MILR1: variants seen among roughly 807,000 people sequenced by gnomAD.
MILR1 encodes mast cell immunoglobulin like receptor 1.
MILR1 carries 31 observed loss-of-function variants against 18.5 expected under a neutral mutation model. That is an observed-to-expected ratio of 1.68 (90% CI 1.26 to 2.26). The LOEUF is 2.26. MILR1 is among the 30% of genes most tolerant of loss of function. The pLI is 0.00. For missense variants in MILR1, 257 were observed against 157.4 expected (o/e 1.63, Z -3.38); for synonymous variants, 85 against 56.2 (o/e 1.51, Z -2.30).
At chr17:64,461,253 T>G (rs1238248332) in intron 5 of MILR1, among the ~76,000 whole-genome samples, 1 of 152,064 alleles carries the variant, frequency 6.6e-6, no homozygotes, top group African/African-American at 2.4e-5. Context: ...ATTTATTTAT[T>G]TATTTATTTT....
the MILR1 span, chr17:64,481,121 A>T: frequency 4.2e-6 from 1 of 239,832 alleles, no homozygotes; most frequent in African/African-American, 2.3e-5. Flanking sequence ...CCTCCAGGAG[A>T]GGCCTGCAGC....
At position 64,460,836 on chromosome 17, in the gene MILR1, C is replaced by T. The variant is rs1473840134; in HGVS notation, c.667C>T (p.Pro223Ser). ...TMPSTGGDSC[P>S]FCLKLLLPGL... is the part of the protein sequence containing the mutation. ...TCTTCTTCCAGGCGGAGACAGCTGTCCTTTCTGTCTGAAGCTACTACTTCC... is the reference window on the plus strand; with the variant it reads ...TCTTCTTCCAGGCGGAGACAGCTGTTCTTTCTGTCTGAAGCTACTACTTCC... The change falls in exon 5 of 10, where the codon CCT becomes TCT. Residue 223 changes from proline to serine, a missense_variant. Transcript: ENST00000619286. 6.3e-6 allele frequency: 3 copies of T among 475,040 alleles called. No homozygotes were observed. The highest frequency in any genetic ancestry group is 1.2e-5 in the Non-Finnish European group (3 of 258,884). 29.4% of individuals were successfully genotyped at this position (475,040 alleles called of 1,614,324 possible). A position where few individuals can be genotyped will look rare whatever the true frequency, so the allele number is the denominator to read the frequency against.
intron 3 of MILR1, among the ~76,000 whole-genome samples, 152 bp downstream of exon 3, chr17:64,453,018 AG>A (rs1254485506): frequency 6.6e-6 from 1 of 151,590 alleles, no homozygotes; most frequent in Non-Finnish European, 1.5e-5. Context: ...ATTTATTTTT[AG>A]ACCTGGTCAA....
chr17:64,454,286 A>C, intron 3 of MILR1, among the ~76,000 whole-genome samples: 1 of 152,260 alleles, frequency 6.6e-6, no homozygotes, highest in East Asian at 1.9e-4. Context: ...GGCTACTCAC[A>C]GGCAATCAAA....
At chr17:64,492,280 T>C in the MILR1 span, among the ~76,000 whole-genome samples, 7 of 152,216 alleles carry the variant, frequency 4.6e-5, no homozygotes, top group Non-Finnish European at 1.0e-4. Flanking sequence ...CTCTTTTTTT[T>C]TCAGTGAGTA....
the MILR1 span, chr17:64,496,549 G>T: frequency 4.3e-6 from 7 of 1,613,850 alleles, no homozygotes; most frequent in Non-Finnish European, 5.9e-6. Flanking sequence ...CACTGTCCCC[G>T]GGTAGCAAAG....
At chr17:64,491,014 A>G in the MILR1 span, 1 of 1,310,682 alleles carries the variant, frequency 7.6e-7, no homozygotes, top group Non-Finnish European at 1.1e-6. Context: ...TTAAATAAAC[A>G]CTAATTTAAC....
chr17:64,480,615 C>G, the MILR1 span, among the ~76,000 whole-genome samples: 3 of 152,094 alleles, frequency 2.0e-5, no homozygotes, highest in African/African-American at 7.2e-5. Flanking sequence ...TACTAAATGC[C>G]AATCTTCTGA....
chr17:64,490,609 T>C, the MILR1 span: 18 of 609,906 alleles, frequency 3.0e-5, no homozygotes, highest in Admixed American at 1.8e-4. Flanking sequence ...TCTGTGGCAA[T>C]AGTGGATTAC....
rs2037367253 is a variant in MILR1, at chr17:64,459,150, A to G, written c.652+1466A>G. On this transcript the variant is annotated intron_variant, in intron 4 of 9. Coordinates refer to ENST00000619286, the MANE Select transcript of MILR1 (RefSeq NM_001085423.2). ...AAGGTAGGAGGATAGAAGGAAAACT[A>G]GGTCGTGTGCAGTGGCTCACACCTG... Among the ~76,000 whole-genome samples, 4 of 152,256 alleles carry G rather than the reference A, an allele frequency of 2.6e-5. No individual in the cohort carries two copies. The South Asian group carries it at 8.3e-4, about 32-fold the overall frequency.
the MILR1 span, among the ~76,000 whole-genome samples, chr17:64,478,757 C>T: frequency 4.0e-5 from 6 of 151,842 alleles, no homozygotes; most frequent in Non-Finnish European, 4.4e-5. Flanking sequence ...ATTAGCTGGG[C>T]GTGGTGGCAG....
downstream of MILR1, among the ~76,000 whole-genome samples, chr17:64,469,026 G>A (rs2037645308): frequency 6.6e-6 from 1 of 151,942 alleles, no homozygotes; most frequent in African/African-American, 2.4e-5. Flanking sequence ...GGCAGAGGTT[G>A]CAGTGAGCCA....
chr17:64,467,272 A>AT lies in MILR1; in HGVS notation c.980-277dup, dbSNP rs35879907. Among the ~76,000 whole-genome samples the AT allele has an allele frequency of 2.8e-3, 402 of 141,662 alleles. 9 individuals carry two copies. Among genetic ancestry groups the AT allele is most frequent in the Admixed American group, 0.012 (164 of 14,184 alleles). The allele number at this position is 141,662 out of a possible 152,430, so 92.9% of individuals were successfully genotyped here. On this transcript the variant is annotated intron_variant, in intron 8 of 9. Coordinates refer to ENST00000619286, the MANE Select transcript of MILR1 (RefSeq NM_001085423.2). ...AGGTGTGCACCACCATGTCTGACTAATTTTTTTTTTTTTTTTGGATAGAGA... is the reference window on the plus strand; with the variant it reads ...AGGTGTGCACCACCATGTCTGACTAATTTTTTTTTTTTTTTTTGGATAGAGA...
chr17:64,491,840 C>A, the MILR1 span: 1 of 379,614 alleles, frequency 2.6e-6, no homozygotes, highest in Non-Finnish European at 4.9e-6. Context: ...GCAACCCCTC[C>A]ATAAGCAACA....
chr17:64,451,016 C>T (rs2037159562), intron 2 of MILR1, among the ~76,000 whole-genome samples: 1 of 152,168 alleles, frequency 6.6e-6, no homozygotes, highest in African/African-American at 2.4e-5. Flanking sequence ...GTTACAGACC[C>T]TGCTAAGTTG....
chr17:64,462,524 G>A (rs1598099088), intron 5 of MILR1, among the ~76,000 whole-genome samples: 1 of 152,082 alleles, frequency 6.6e-6, no homozygotes, highest in African/African-American at 2.4e-5. Context: ...CATCCCATTA[G>A]CACAAAAGAC....
the MILR1 span, chr17:64,480,290 T>C: frequency 6.8e-7 from 1 of 1,462,572 alleles, no homozygotes; most frequent in Non-Finnish European, 9.5e-7. Flanking sequence ...AATTCTTACT[T>C]CGAATAAAGT....
intron 2 of MILR1, among the ~76,000 whole-genome samples, chr17:64,450,151 G>C (rs987182459): frequency 1.9e-4 from 29 of 151,974 alleles, no homozygotes; most frequent in African/African-American, 7.0e-4. Context: ...CGTTAGCCAG[G>C]ATGGTCTCGA....
At chr17:64,466,133 A>G (rs1193890174) in intron 6 of MILR1, among the ~76,000 whole-genome samples, 2 of 152,150 alleles carry the variant, frequency 1.3e-5, no homozygotes, top group Non-Finnish European at 2.9e-5. Context: ...GAGCCAAGGG[A>G]AGGGGGAAAC....
Sources: allele counts gnomAD v4.1 joint callset (sites outside exome capture counted in the v4.1 genomes callset), GRCh38; gene constraint gnomAD v4.1.1; transcripts MANE v1.5; gene names NCBI Gene and HGNC (gene_info 2026-07-23, HGNC 2026-07-21).